FARP1: variants seen among roughly 807,000 people sequenced by gnomAD.
The protein encoded by FARP1 is FERM, ARHGEF and pleckstrin domain-containing protein 1.
A neutral mutation model predicts 128.8 loss-of-function variants in FARP1; 52 were observed. The observed-to-expected ratio is 0.40, with a 90% CI of 0.32 to 0.51. FARP1 has a LOEUF of 0.51. FARP1 is among the 20% of genes least tolerant of loss of function. FARP1 has a pLI of 0.45. For missense variants in FARP1, 1,333 were observed against 1,367.9 expected, an observed-to-expected ratio of 0.97 and a Z score of 0.40; for synonymous variants, 580 against 551.8, an observed-to-expected ratio of 1.05 and a Z score of -0.72.
chr13:98,393,600 A>G (rs752497898), intron 11 of FARP1, 43 bp from the exon 12 acceptor site: 1 of 1,523,826 alleles, frequency 6.6e-7, no homozygotes, highest in Non-Finnish European at 9.1e-7. Flanking sequence ...AAAAGAAACA[A>G]AAACCTCACC....
At chr13:98,345,993 C>T (rs375375525) in intron 3 of FARP1, among the ~76,000 whole-genome samples, 5 of 152,018 alleles carry the variant, frequency 3.3e-5, no homozygotes, top group Admixed American at 2.0e-4. Context: ...CATTATAGCC[C>T]CTTTTTCTGA....
chr13:98,441,515 G>A (rs1019247329), intron 24 of FARP1, among the ~76,000 whole-genome samples: 3 of 152,224 alleles, frequency 2.0e-5, no homozygotes, highest in Non-Finnish European at 2.9e-5. Flanking sequence ...AAGGAGCCCC[G>A]CAGGGCCCCT....
intron 24 of FARP1, among the ~76,000 whole-genome samples, chr13:98,441,720 G>A (rs1892532095): frequency 6.6e-6 from 1 of 152,180 alleles, no homozygotes; most frequent in Admixed American, 6.5e-5. Context: ...TTTGGGGGAA[G>A]GAGGTTCTGG....
At chr13:98,352,964 T>A (rs1447475234) in intron 3 of FARP1, among the ~76,000 whole-genome samples, 1 of 152,172 alleles carries the variant, frequency 6.6e-6, no homozygotes, top group Non-Finnish European at 1.5e-5. Flanking sequence ...TTGTAATGTT[T>A]TATTTCACCA....
intron 2 of FARP1, among the ~76,000 whole-genome samples, chr13:98,278,160 TATGA>T (rs1438451970): frequency 2.1e-5 from 3 of 145,932 alleles, no homozygotes; most frequent in African/African-American, 5.1e-5. Context: ...AGGGTGTGTG[TATGA>T]GTGAGTGAGT....
intron 2 of FARP1, among the ~76,000 whole-genome samples, chr13:98,227,923 CAGT>C (rs1394943246): frequency 1.3e-5 from 2 of 152,074 alleles, no homozygotes; most frequent in African/African-American, 4.8e-5. Context: ...TAAATAGAAA[CAGT>C]AGAATGGTGG....
chr13:98,277,585 G>A (rs1424432474), intron 2 of FARP1, among the ~76,000 whole-genome samples: 1 of 152,196 alleles, frequency 6.6e-6, no homozygotes, highest in African/African-American at 2.4e-5. Context: ...TGGTGGCGCT[G>A]GGAAAGGGGT....
Position 98,449,337 on chromosome 13 carries a change from A to G in FARP1, c.*1020A>G, listed in dbSNP as rs917300249. On this transcript the variant is annotated 3_prime_UTR_variant, in exon 27 of 27. Coordinates refer to ENST00000319562, the MANE Select transcript of FARP1 (RefSeq NM_005766.4). Reference sequence around the variant, plus strand: ...TGTCTTCAAAAACATTTCCCTTTTTATACTCATTCCCCCCAGGCATGGGGT... The same window carrying G: ...TGTCTTCAAAAACATTTCCCTTTTTGTACTCATTCCCCCCAGGCATGGGGT... 3.3e-5 allele frequency: 5 copies of G among 152,126 alleles called. No homozygotes were observed. The highest frequency in any genetic ancestry group is 6.5e-5 in the Admixed American group (1 of 15,282). The allele number at this position is 152,126 out of a possible 1,614,324, so 9.4% of individuals were successfully genotyped here.
intron 1 of FARP1, among the ~76,000 whole-genome samples, chr13:98,179,318 C>A (rs1878337089): frequency 6.6e-6 from 1 of 152,148 alleles, no homozygotes; most frequent in Non-Finnish European, 1.5e-5. Flanking sequence ...AAACTGCCCC[C>A]ATGATTCAGT....
chr13:98,451,303 A>G lies in FARP1; in HGVS notation c.*2986A>G, dbSNP rs1169640829. On this transcript the variant is annotated 3_prime_UTR_variant, in exon 27 of 27. Coordinates refer to ENST00000319562, the MANE Select transcript of FARP1 (RefSeq NM_005766.4). ...TGACTTATGCCGCCGGCCTCACGTA[A>G]GGAAACAGTTCCCCACACAGAATAC... The G allele has an allele frequency of 6.6e-6, 1 of 152,210 alleles. No individual in the cohort carries two copies. The highest frequency in any genetic ancestry group is 1.5e-5 in the Non-Finnish European group (1 of 68,042). 9.4% of individuals were successfully genotyped at this position (152,210 alleles called of 1,614,324 possible). A position where few individuals can be genotyped will look rare whatever the true frequency, so the allele number is the denominator to read the frequency against.
chr13:98,218,052 T>C (rs1160807269), intron 2 of FARP1, among the ~76,000 whole-genome samples: 1 of 152,116 alleles, frequency 6.6e-6, no homozygotes, highest in Non-Finnish European at 1.5e-5. Flanking sequence ...GCCGCCTCCT[T>C]TGTGAGATTC....
At chr13:98,366,323 A>C (rs1436633376) in intron 4 of FARP1, among the ~76,000 whole-genome samples, 2 of 152,202 alleles carry the variant, frequency 1.3e-5, no homozygotes, top group South Asian at 4.1e-4. Flanking sequence ...ATTGATGTTG[A>C]TCATCTACAA....
Position 98,289,685 on chromosome 13 carries a change from G to T in FARP1, c.172-54077G>T, listed in dbSNP as rs1238491531. On this transcript the variant is annotated intron_variant, in intron 2 of 26. Coordinates refer to ENST00000319562, the MANE Select transcript of FARP1 (RefSeq NM_005766.4). Reference sequence around the variant, plus strand: ...CTGCAGGACCCCTCTGGCTCTTGGTGTGGACTGTGCACTGCATGCTATTTC... The same window carrying T: ...CTGCAGGACCCCTCTGGCTCTTGGTTTGGACTGTGCACTGCATGCTATTTC... Among the ~76,000 whole-genome samples, 10 of 152,162 alleles carry T rather than the reference G, an allele frequency of 6.6e-5. 1 individual carries two copies.
At chr13:98,193,347 C>T (rs571993668) in intron 1 of FARP1, among the ~76,000 whole-genome samples, 95 of 152,300 alleles carry the variant, frequency 6.2e-4, no homozygotes, top group Non-Finnish European at 1.1e-3. Flanking sequence ...TGAGCCACTA[C>T]GCCCAGCCAA....
rs566455169 is a variant in FARP1, at chr13:98,173,661, C to T, written c.-24+30169C>T. Among the ~76,000 whole-genome samples, 18 of 152,314 alleles carry T rather than the reference C, an allele frequency of 1.2e-4. No homozygotes were observed. The South Asian group carries it at 2.5e-3, about 21-fold the overall frequency. ...ATTCCGAAGGACTTATTGACCATTA[C>T]GTGTGCCTTCAGTGAACAGAAAAAA... On this transcript the variant is annotated intron_variant, in intron 1 of 26. Transcript: ENST00000319562.
At chr13:98,194,083 T>C (rs1879412816) in intron 1 of FARP1, among the ~76,000 whole-genome samples, 1 of 152,026 alleles carries the variant, frequency 6.6e-6, no homozygotes, top group African/African-American at 2.4e-5. Context: ...ATTTTATTTT[T>C]ATTATACACC....
intron 2 of FARP1, among the ~76,000 whole-genome samples, chr13:98,218,450 G>C (rs1321544331): frequency 2.0e-5 from 3 of 152,150 alleles, no homozygotes; most frequent in Admixed American, 2.0e-4. Flanking sequence ...TTCTTTGGAA[G>C]TGAGGACCCT....
intron 1 of FARP1, among the ~76,000 whole-genome samples, chr13:98,167,995 A>AC (rs1269793065): frequency 1.3e-5 from 2 of 150,552 alleles, no homozygotes; most frequent in Non-Finnish European, 3.0e-5. Context: ...ACACGGTGAA[A>AC]CCCCGTCTCT....
intron 2 of FARP1, among the ~76,000 whole-genome samples, chr13:98,322,646 A>G (rs1279374291): frequency 6.6e-6 from 1 of 151,874 alleles, no homozygotes; most frequent in Non-Finnish European, 1.5e-5. Flanking sequence ...CAGAAGGAAA[A>G]CTCTTGTGTG....
Sources: gnomAD v4.1 joint callset for allele counts (sites outside exome capture counted in the v4.1 genomes callset) on GRCh38, gnomAD v4.1.1 for gene constraint, MANE v1.5 for transcripts, NCBI Gene and HGNC (gene_info 2026-07-23, HGNC 2026-07-21) for gene names.